Variants in RHOU observed in about 807,000 individuals in gnomAD.
RHOU encodes the protein ras homolog family member U.
Under a neutral mutation model 12.6 loss-of-function variants are expected in RHOU, and 8 were observed. The ratio of observed to expected loss-of-function variants is 0.64; its 90% CI spans 0.37 to 1.15. The LOEUF (loss-of-function observed/expected upper bound fraction) is 1.15, where lower values mean the gene tolerates loss of function less well. RHOU is among the 50% of genes most tolerant of loss of function. The probability of loss-of-function intolerance (pLI) is 0.01; values close to 1 mark genes in which losing one functional copy is unlikely to be tolerated. For missense variants in RHOU, 258 were observed against 347.0 expected, an observed-to-expected ratio of 0.74 and a Z score of 2.04; for synonymous variants, 161 against 147.4, an observed-to-expected ratio of 1.09 and a Z score of -0.67.
the RHOU span, among the ~76,000 whole-genome samples, chr1:228,679,621 G>A: frequency 1.3e-5 from 2 of 152,036 alleles, no homozygotes; most frequent in African/African-American, 4.8e-5. Flanking sequence ...CAGGTAAAAT[G>A]GGGGAATTGT....
At chr1:228,659,960 A>C in the RHOU span, among the ~76,000 whole-genome samples, 439 of 108,152 alleles carry the variant, frequency 4.1e-3, 2 homozygotes, top group Middle Eastern at 9.2e-3. Flanking sequence ...CTCTACAAAA[A>C]AAAAACAAAA....
the RHOU span, among the ~76,000 whole-genome samples, chr1:228,659,351 C>T: frequency 6.6e-6 from 1 of 151,982 alleles, no homozygotes. Flanking sequence ...GCACTCCAGC[C>T]TGGGCAACAA....
At chr1:228,723,403 G>T in the RHOU span, among the ~76,000 whole-genome samples, 3 of 152,208 alleles carry the variant, frequency 2.0e-5, no homozygotes, top group African/African-American at 7.2e-5. Flanking sequence ...GTTTGACCCG[G>T]CATGTCATTC....
the RHOU span, among the ~76,000 whole-genome samples, chr1:228,692,439 C>T: frequency 6.6e-6 from 1 of 152,098 alleles, no homozygotes; most frequent in Non-Finnish European, 1.5e-5. Flanking sequence ...TCACAGAAGA[C>T]CCTCTGCCTT....
At chr1:228,663,777 C>T in the RHOU span, among the ~76,000 whole-genome samples, 2 of 150,862 alleles carry the variant, frequency 1.3e-5, no homozygotes, top group African/African-American at 2.4e-5. Context: ...GGATTACGCG[C>T]GCGCGACACC....
chr1:228,647,034 T>A, the RHOU span, among the ~76,000 whole-genome samples: 1 of 149,126 alleles, frequency 6.7e-6, no homozygotes, highest in East Asian at 2.0e-4. Flanking sequence ...CCCAGAAGAG[T>A]GAGGAGGAGG....
chr1:228,722,725 C>T, the RHOU span, among the ~76,000 whole-genome samples: 7 of 151,752 alleles, frequency 4.6e-5, no homozygotes, highest in African/African-American at 1.7e-4. Flanking sequence ...CAGGTTCAAG[C>T]GATTCTCCTG....
chr1:228,648,134 C>G, the RHOU span: 2 of 152,334 alleles, frequency 1.3e-5, no homozygotes, highest in Non-Finnish European at 2.9e-5. Context: ...TTATCGGGAC[C>G]CGGGAGCCGC....
At chr1:228,700,357 G>A in the RHOU span, among the ~76,000 whole-genome samples, 1 of 152,156 alleles carries the variant, frequency 6.6e-6, no homozygotes, top group Non-Finnish European at 1.5e-5. Context: ...TCTTGCTTGT[G>A]TTAGCAGTTT....
At chr1:228,715,801 T>C in the RHOU span, among the ~76,000 whole-genome samples, 1 of 148,488 alleles carries the variant, frequency 6.7e-6, no homozygotes, top group African/African-American at 2.6e-5. Flanking sequence ...TCTTGGCATC[T>C]CTTGTGATTA....
At chr1:228,739,127 G>T (rs1444260051) in intron 2 of RHOU, among the ~76,000 whole-genome samples, 2 of 151,626 alleles carry the variant, frequency 1.3e-5, no homozygotes, top group African/African-American at 4.9e-5. Context: ...TCTCTTGGGG[G>T]TAAAAAAAAA....
chr1:228,724,046 T>C, the RHOU span, among the ~76,000 whole-genome samples: 1 of 152,246 alleles, frequency 6.6e-6, no homozygotes, highest in East Asian at 1.9e-4. Context: ...GCCTGTTTTT[T>C]TTCGTCTCTG....
At chr1:228,679,486 T>C in the RHOU span, among the ~76,000 whole-genome samples, 1 of 150,804 alleles carries the variant, frequency 6.6e-6, no homozygotes, top group Non-Finnish European at 1.5e-5. Flanking sequence ...AATAATGGGT[T>C]GTGGAGGGAG....
chr1:228,676,137 C>T, the RHOU span, among the ~76,000 whole-genome samples: 1 of 150,712 alleles, frequency 6.6e-6, no homozygotes, highest in Non-Finnish European at 1.5e-5. Flanking sequence ...AACCGCCCCC[C>T]CCCTTTTTTT....
chr1:228,649,530 ACTGT>A, the RHOU span, among the ~76,000 whole-genome samples: 2 of 152,146 alleles, frequency 1.3e-5, no homozygotes, highest in African/African-American at 2.4e-5. Flanking sequence ...AATTCATGTA[ACTGT>A]CTGTATTTCA....
the RHOU span, among the ~76,000 whole-genome samples, chr1:228,681,373 C>T: frequency 4.3e-3 from 657 of 151,956 alleles, 2 homozygotes; most frequent in Middle Eastern, 6.8e-3. Context: ...TGGCGGGGAG[C>T]GAGCTGAGGA....
chr1:228,711,581 G>A, the RHOU span, among the ~76,000 whole-genome samples: 3 of 151,810 alleles, frequency 2.0e-5, no homozygotes, highest in African/African-American at 7.3e-5. Flanking sequence ...TTTAATAAAT[G>A]GTGCTGGGAA....
chr1:228,704,474 A>G, the RHOU span, among the ~76,000 whole-genome samples: 20 of 152,034 alleles, frequency 1.3e-4, no homozygotes, highest in African/African-American at 4.8e-4. Flanking sequence ...TTTTTTAGAT[A>G]GAGTCTTGCC....
chr1:228,668,554 A>G, the RHOU span, among the ~76,000 whole-genome samples: 1 of 152,220 alleles, frequency 6.6e-6, no homozygotes, highest in Non-Finnish European at 1.5e-5. Context: ...AAACCACCAC[A>G]CACATTTGGC....
Sources: gnomAD v4.1 joint callset for allele counts (sites outside exome capture counted in the v4.1 genomes callset) on GRCh38, gnomAD v4.1.1 for gene constraint, MANE v1.5 for transcripts, NCBI Gene and HGNC (gene_info 2026-07-23, HGNC 2026-07-21) for gene names.